Variants in CELF1 observed in about 807,000 individuals in gnomAD.
CELF1 encodes the protein 50 kDa nuclear polyadenylated RNA-binding protein.
A neutral mutation model predicts 61.8 loss-of-function variants in CELF1; 10 were observed. The observed-to-expected ratio is 0.16, with a 90% confidence interval of 0.10 to 0.27. CELF1 has a LOEUF of 0.27. Among genes scored for constraint, CELF1 ranks in the 10% least tolerant of loss-of-function variants. The probability of loss-of-function intolerance (pLI) is 1.00; values close to 1 mark genes in which losing one functional copy is unlikely to be tolerated. For synonymous variants in CELF1, 236 were observed against 225.1 expected (o/e 1.05, Z -0.43); for missense variants, 380 against 639.1 (o/e 0.59, Z 4.37).
intron 2 of CELF1, among the ~76,000 whole-genome samples, chr11:47,562,717 T>G (rs181350618): frequency 0.022 from 3,377 of 151,718 alleles, 58 homozygotes; most frequent in Non-Finnish European, 0.035. Context: ...GTTTTGTTTT[T>G]TTTTTGATAT....
chr11:47,496,019 G>T (rs532222416), intron 3 of CELF1: 30 of 985,164 alleles, frequency 3.0e-5, no homozygotes, highest in Non-Finnish European at 3.6e-5. Context: ...CTTATACAAG[G>T]TCCCTCTGGC....
intron 9 of CELF1, among the ~76,000 whole-genome samples, chr11:47,481,081 GTTT>G (rs1198765451): frequency 1.6e-4 from 15 of 92,870 alleles, no homozygotes; most frequent in African/African-American, 4.5e-4. Context: ...ATAAACTGGG[GTTT>G]TTTTTTTTTT....
In CELF1 at chr11:47,467,800, T is replaced by A. The variant is rs1465607346; in HGVS notation, c.*4430A>T. On this transcript the variant is annotated 3_prime_UTR_variant, in exon 15 of 15. Transcript: ENST00000687097. ...AGGCCACACGAAGTGACAGTCTAAG[T>A]GCACAGGCAAACGCTCTAAGGGCAA... The A allele has an allele frequency of 1.3e-5, 2 of 152,206 alleles. No homozygotes were observed. Among genetic ancestry groups the A allele is most frequent in the African/African-American group, 4.8e-5 (2 of 41,458 alleles). The allele number at this position is 152,206 out of a possible 1,614,324, so 9.4% of individuals were successfully genotyped here.
chr11:47,507,584 A>G (rs2094614170), intron 1 of CELF1, among the ~76,000 whole-genome samples: 1 of 152,224 alleles, frequency 6.6e-6, no homozygotes, highest in South Asian at 2.1e-4. Flanking sequence ...CTGATTCTAT[A>G]AAACTGCCCA....
At chr11:47,499,337 G>T in intron 3 of CELF1, 116 bp downstream of exon 3, 1 of 737,490 alleles carries the variant, frequency 1.4e-6, no homozygotes, top group Non-Finnish European at 2.2e-6. Context: ...GGTTGTTTTG[G>T]CTTCTTTCCC....
intron 1 of CELF1, chr11:47,513,769 T>C (rs1403113991): frequency 6.6e-6 from 1 of 151,922 alleles, no homozygotes; most frequent in Non-Finnish European, 1.5e-5. Flanking sequence ...TCTTTTTTTT[T>C]TTTTAAACAA....
chr11:47,560,042 G>C (rs1299384054), intron 2 of CELF1, among the ~76,000 whole-genome samples: 1 of 150,672 alleles, frequency 6.6e-6, no homozygotes, highest in African/African-American at 2.4e-5. Flanking sequence ...GCTCACACTT[G>C]TAATCCCAGC....
intron 1 of CELF1, among the ~76,000 whole-genome samples, chr11:47,522,353 C>A (rs1178497702): frequency 6.7e-6 from 1 of 148,842 alleles, no homozygotes; most frequent in Admixed American, 6.8e-5. Context: ...TGGTGAAACC[C>A]CATCTCTACT....
chr11:47,485,972 T>C, intron 6 of CELF1, among the ~76,000 whole-genome samples: 1 of 147,658 alleles, frequency 6.8e-6, no homozygotes, highest in Admixed American at 6.7e-5. Context: ...CCATCCTGGC[T>C]AACACAGTGA....
Position 47,468,955 on chromosome 11 carries a change from A to G in CELF1, c.*3275T>C, listed in dbSNP as rs2077119591. ...GAGTTACACAGAGCAATACATCCAA[A>G]CAAAGAGAGAGAGAACAGGAACACT... On this transcript the variant is annotated 3_prime_UTR_variant, in exon 15 of 15. Coordinates refer to ENST00000687097, the MANE Select transcript of CELF1 (RefSeq NM_001376376.1). 6.6e-6 allele frequency: 1 copy of G among 152,220 alleles called. No individual in the cohort carries two copies. The highest frequency in any genetic ancestry group is 6.5e-5 in the Admixed American group (1 of 15,282). The allele number at this position is 152,220 out of a possible 1,614,324, so 9.4% of individuals were successfully genotyped here. A position where few individuals can be genotyped will look rare whatever the true frequency, so the allele number is the denominator to read the frequency against.
intron 1 of CELF1, among the ~76,000 whole-genome samples, chr11:47,537,912 T>TC (rs922919157): frequency 6.6e-6 from 1 of 151,740 alleles, no homozygotes; most frequent in Non-Finnish European, 1.5e-5. Flanking sequence ...TTCTTTTTTT[T>TC]CTTTTCTTTT....
At chr11:47,517,179 CG>C (rs1257321489) in intron 1 of CELF1, among the ~76,000 whole-genome samples, 1 of 147,388 alleles carries the variant, frequency 6.8e-6, no homozygotes, top group Non-Finnish European at 1.5e-5. Flanking sequence ...CCCAGGAGGT[CG>C]GGCTGCAGTG....
intron 2 of CELF1, among the ~76,000 whole-genome samples, chr11:47,561,734 T>C (rs549873074): frequency 1.2e-4 from 18 of 152,266 alleles, no homozygotes; most frequent in Admixed American, 2.6e-4. Context: ...CCCAGCAGCA[T>C]TGTTCAAAAT....
At chr11:47,476,071 C>G (rs1241605789) in intron 12 of CELF1, among the ~76,000 whole-genome samples, 1 of 151,090 alleles carries the variant, frequency 6.6e-6, no homozygotes, top group Non-Finnish European at 1.5e-5. Context: ...ACAATCATAG[C>G]TCACTGCAGC....
intron 1 of CELF1, among the ~76,000 whole-genome samples, chr11:47,518,455 C>T (rs9666924): frequency 0.72 from 109,697 of 152,122 alleles, 41,918 homozygotes; most frequent in Non-Finnish European, 0.86. Flanking sequence ...TCTATAAATA[C>T]AGCTTTTGGC....
chr11:47,522,713 G>C (rs746567172), intron 1 of CELF1, among the ~76,000 whole-genome samples: 5 of 151,668 alleles, frequency 3.3e-5, no homozygotes, highest in Non-Finnish European at 7.4e-5. Context: ...TGTAGTCGCA[G>C]CTACTCAGAG....
chr11:47,548,728 T>A (rs2097052527), intron 1 of CELF1, among the ~76,000 whole-genome samples: 1 of 151,762 alleles, frequency 6.6e-6, no homozygotes, highest in Admixed American at 6.6e-5. Flanking sequence ...TAGCCGGGCG[T>A]GGTAGCGCAT....
intron 1 of CELF1, among the ~76,000 whole-genome samples, chr11:47,503,248 T>C (rs1157477111): frequency 6.6e-6 from 1 of 152,096 alleles, no homozygotes; most frequent in Non-Finnish European, 1.5e-5. Flanking sequence ...AAAACTGGAT[T>C]AGAAAAGAGA....
chr11:47,524,388 T>C (rs1171635628), intron 1 of CELF1: 14 of 152,202 alleles, frequency 9.2e-5, no homozygotes, highest in Admixed American at 9.2e-4. Flanking sequence ...CCCTGTTTGG[T>C]ACCCTCTCGC....
Sources: allele counts gnomAD v4.1 joint callset (sites outside exome capture counted in the v4.1 genomes callset), GRCh38; gene constraint gnomAD v4.1.1; transcripts MANE v1.5; gene names NCBI Gene and HGNC (gene_info 2026-07-23, HGNC 2026-07-21).